Variants in KLHL32 observed in about 807,000 individuals in gnomAD.
KLHL32 encodes kelch-like protein 32.
In KLHL32, 35 loss-of-function variants were observed where a neutral mutation model predicts 64.8. The ratio of observed to expected loss-of-function variants is 0.54; its 90% CI spans 0.41 to 0.72. The LOEUF (loss-of-function observed/expected upper bound fraction) is 0.72, where lower values mean the gene tolerates loss of function less well. Ranked by LOEUF, KLHL32 falls within the 30% of genes least tolerant of loss-of-function variation. The probability of loss-of-function intolerance (pLI) is 0.00; values close to 1 mark genes in which losing one functional copy is unlikely to be tolerated. For synonymous variants in KLHL32, 259 were observed against 281.0 expected (o/e 0.92, Z 0.78); for missense variants, 589 against 768.5 (o/e 0.77, Z 2.76).
intron 3 of KLHL32, among the ~76,000 whole-genome samples, chr6:96,980,131 C>A (rs1254869858): frequency 6.6e-6 from 1 of 152,160 alleles, no homozygotes; most frequent in Non-Finnish European, 1.5e-5. Context: ...TGATTCCTCT[C>A]CTCCTATTTG....
chr6:96,993,113 A>G (rs1778068425), intron 3 of KLHL32, among the ~76,000 whole-genome samples: 1 of 152,258 alleles, frequency 6.6e-6, no homozygotes, highest in Non-Finnish European at 1.5e-5. Context: ...GCTGAGCCCT[A>G]TGGAGCTTGT....
chr6:97,096,311 G>T (rs1211264022), intron 6 of KLHL32, among the ~76,000 whole-genome samples: 1 of 152,146 alleles, frequency 6.6e-6, no homozygotes, highest in Non-Finnish European at 1.5e-5. Context: ...ACACATATTA[G>T]ATGCATATTA....
intron 3 of KLHL32, among the ~76,000 whole-genome samples, chr6:97,024,343 G>C (rs1782421350): frequency 6.6e-6 from 1 of 151,820 alleles, no homozygotes; most frequent in East Asian, 1.9e-4. Context: ...GGCTGATTCT[G>C]ATGTACTGTG....
chr6:97,031,150 A>C (rs1783478280), intron 3 of KLHL32, among the ~76,000 whole-genome samples: 1 of 152,182 alleles, frequency 6.6e-6, no homozygotes, highest in Non-Finnish European at 1.5e-5. Context: ...TAGACTAGGC[A>C]ACTGGTGTTT....
At chr6:97,037,061 A>G (rs559076626) in intron 3 of KLHL32, among the ~76,000 whole-genome samples, 38 of 152,312 alleles carry the variant, frequency 2.5e-4, no homozygotes, top group African/African-American at 8.2e-4. Context: ...TATGAATGTT[A>G]GCTTTTTAAT....
chr6:96,998,939 A>G (rs1778703907), intron 3 of KLHL32, among the ~76,000 whole-genome samples: 1 of 152,224 alleles, frequency 6.6e-6, no homozygotes, highest in Non-Finnish European at 1.5e-5. Flanking sequence ...GAAATCATTA[A>G]TAACTAGAAC....
chr6:96,929,210 C>T (rs1350482584), intron 1 of KLHL32, among the ~76,000 whole-genome samples: 1 of 152,146 alleles, frequency 6.6e-6, no homozygotes, highest in Non-Finnish European at 1.5e-5. Flanking sequence ...GGATATTTGT[C>T]ATGACAGGAA....
At chr6:97,003,271 T>A (rs1779260740) in intron 3 of KLHL32, among the ~76,000 whole-genome samples, 1 of 152,362 alleles carries the variant, frequency 6.6e-6, no homozygotes, top group South Asian at 2.1e-4. Flanking sequence ...TTTTTTCATA[T>A]GCTTGTTAGC....
chr6:97,057,190 T>G (rs765256094), intron 4 of KLHL32, among the ~76,000 whole-genome samples: 8 of 80,572 alleles, frequency 9.9e-5, no homozygotes, highest in East Asian at 3.6e-4. Flanking sequence ...TTTTTTTTTT[T>G]TTTTTTTTTT....
intron 2 of KLHL32, among the ~76,000 whole-genome samples, chr6:96,971,700 CG>C (rs997322859): frequency 1.5e-4 from 23 of 151,974 alleles, no homozygotes; most frequent in African/African-American, 5.6e-4. Flanking sequence ...GGCAGCCTGA[CG>C]GGGGTTGCCT....
chr6:96,912,036 T>G, the KLHL32 span, among the ~76,000 whole-genome samples: 7 of 152,076 alleles, frequency 4.6e-5, no homozygotes, highest in Non-Finnish European at 1.0e-4. Flanking sequence ...TATAGAGATG[T>G]CTTCCCAGAA....
chr6:96,927,923 T>C (rs533554147), intron 1 of KLHL32, among the ~76,000 whole-genome samples: 1 of 152,338 alleles, frequency 6.6e-6, no homozygotes, highest in South Asian at 2.1e-4. Context: ...GGCTTCACAA[T>C]GACTCTATAA....
intron 1 of KLHL32, among the ~76,000 whole-genome samples, chr6:96,929,702 C>G (rs944504556): frequency 6.6e-6 from 1 of 152,134 alleles, no homozygotes; most frequent in Non-Finnish European, 1.5e-5. Context: ...ATTTCGTATA[C>G]ACATTGCAAT....
At chr6:97,044,400 A>G (rs1438842118) in intron 4 of KLHL32, among the ~76,000 whole-genome samples, 3 of 151,924 alleles carry the variant, frequency 2.0e-5, no homozygotes, top group African/African-American at 7.3e-5. Context: ...TGTTGAATGT[A>G]GTTTGCTAGT....
At chr6:96,975,629 G>C (rs988137826) in intron 2 of KLHL32, among the ~76,000 whole-genome samples, 2 of 152,132 alleles carry the variant, frequency 1.3e-5, no homozygotes, top group Non-Finnish European at 2.9e-5. Flanking sequence ...ATGCCCAGAT[G>C]CACATCCAGA....
At chr6:97,030,121 C>T (rs556090610) in intron 3 of KLHL32, among the ~76,000 whole-genome samples, 1 of 152,306 alleles carries the variant, frequency 6.6e-6, no homozygotes, top group Non-Finnish European at 1.5e-5. Context: ...ATGGGAGTCG[C>T]AGTGGTTTTG....
chr6:97,057,612 G>A (rs1168292739), intron 4 of KLHL32, among the ~76,000 whole-genome samples: 1 of 143,498 alleles, frequency 7.0e-6, no homozygotes, highest in Non-Finnish European at 1.5e-5. Context: ...TGAGTGTTAA[G>A]ATCTTGTTTT....
intron 7 of KLHL32, 35 bp from the exon 8 acceptor site, chr6:97,127,369 C>T (rs1323383176): frequency 6.5e-6 from 10 of 1,537,678 alleles, no homozygotes; most frequent in Non-Finnish European, 9.0e-6. Context: ...ATTTTTTATT[C>T]ATGAAAAGCT....
chr6:97,099,291 G>T (rs988752391), intron 6 of KLHL32, among the ~76,000 whole-genome samples: 1 of 152,216 alleles, frequency 6.6e-6, no homozygotes, highest in Non-Finnish European at 1.5e-5. Context: ...TTGCCTGCCT[G>T]TGCTGGCCAT....
Sources: gnomAD v4.1 joint callset for allele counts (sites outside exome capture counted in the v4.1 genomes callset) on GRCh38, gnomAD v4.1.1 for gene constraint, MANE v1.5 for transcripts, NCBI Gene and HGNC (gene_info 2026-07-23, HGNC 2026-07-21) for gene names.